The following MYH15 variants were observed in gnomAD, a reference collection of about 807,000 sequenced individuals.
MYH15 encodes myosin-15.
Under a neutral mutation model 240.5 loss-of-function variants are expected in MYH15, and 227 were observed. That is an observed-to-expected ratio of 0.94 (90% confidence interval 0.85 to 1.05). MYH15 has a LOEUF of 1.05. Ranked by LOEUF, MYH15 falls within the 50% of genes least tolerant of loss-of-function variation. The probability of loss-of-function intolerance (pLI) is 0.00; values close to 1 mark genes in which losing one functional copy is unlikely to be tolerated. For missense variants in MYH15, 2,217 were observed against 2,247.5 expected (o/e 0.99, Z 0.27); for synonymous variants, 785 against 796.7 (o/e 0.99, Z 0.25).
At chr3:108,526,970 C>A (rs553631481) in intron 1 of MYH15, among the ~76,000 whole-genome samples, 1 of 152,154 alleles carries the variant, frequency 6.6e-6, no homozygotes, top group Non-Finnish European at 1.5e-5. Flanking sequence ...TATGTTCTTA[C>A]ATTTCAATAT....
intron 9 of MYH15, among the ~76,000 whole-genome samples, chr3:108,491,694 T>A (rs933007894): frequency 3.9e-5 from 6 of 152,112 alleles, no homozygotes. Context: ...GACCTCCTAT[T>A]GCCGCACCCC....
At chr3:108,521,053 A>T (rs1183968316) in intron 1 of MYH15, among the ~76,000 whole-genome samples, 1 of 152,096 alleles carries the variant, frequency 6.6e-6, no homozygotes, top group East Asian at 1.9e-4. Flanking sequence ...GAGCTTCAAA[A>T]TATATTCTTG....
chr3:108,524,516 T>C (rs1160080991), intron 1 of MYH15, among the ~76,000 whole-genome samples: 1 of 152,086 alleles, frequency 6.6e-6, no homozygotes, highest in Admixed American at 6.6e-5. Context: ...TTGAATTCAC[T>C]TATGGTAACT....
intron 13 of MYH15, 124 bp from the exon 14 acceptor site, chr3:108,470,336 A>G: frequency 1.6e-6 from 1 of 629,452 alleles, no homozygotes; most frequent in South Asian, 2.7e-5. Flanking sequence ...CCAACAAGTA[A>G]CAAATGCTCA....
chr3:108,401,603 T>G (rs542913235), intron 33 of MYH15, among the ~76,000 whole-genome samples: 1 of 152,368 alleles, frequency 6.6e-6, no homozygotes, highest in East Asian at 1.9e-4. Flanking sequence ...CTCTCATTTT[T>G]GCCACAGCTG....
At chr3:108,419,415 C>A (rs942967896) in intron 28 of MYH15, among the ~76,000 whole-genome samples, 1 of 152,158 alleles carries the variant, frequency 6.6e-6, no homozygotes, top group African/African-American at 2.4e-5. Context: ...TTACTCGCTA[C>A]CCACTAATTT....
chr3:108,384,646 A>G (rs766073330), intron 39 of MYH15, 41 bp downstream of exon 39: 4 of 1,554,108 alleles, frequency 2.6e-6, no homozygotes, highest in African/African-American at 2.7e-5. Context: ...TCAAAACAAC[A>G]CTGGGAAATC....
At chr3:108,426,205 G>GAAA (rs34105033) in intron 27 of MYH15, among the ~76,000 whole-genome samples, 1 of 130,550 alleles carries the variant, frequency 7.7e-6, no homozygotes. Context: ...AGTATTTTCA[G>GAAA]AAAAAAAAAA....
the MYH15 span, among the ~76,000 whole-genome samples, chr3:108,540,101 A>T: frequency 6.6e-6 from 1 of 152,152 alleles, no homozygotes; most frequent in Non-Finnish European, 1.5e-5. Flanking sequence ...TTCATTTCAG[A>T]AATTTAAGAT....
intron 25 of MYH15, among the ~76,000 whole-genome samples, chr3:108,435,837 TAC>T (rs34885657): frequency 0.14 from 20,701 of 147,044 alleles, 1,546 homozygotes; most frequent in South Asian, 0.24. Flanking sequence ...TGTATATGTA[TAC>T]ACACACACAC....
the MYH15 span, chr3:108,550,501 C>G: frequency 4.6e-5 from 7 of 151,422 alleles, no homozygotes; most frequent in African/African-American, 1.4e-4. Context: ...TATGAGACAG[C>G]TATTGTGTTA....
intron 16 of MYH15, 105 bp downstream of exon 16, chr3:108,463,006 G>C: frequency 7.6e-7 from 1 of 1,321,030 alleles, no homozygotes; most frequent in Admixed American, 2.3e-5. Context: ...AGACCACAGG[G>C]AGCAGAAACA....
At position 108,414,442 on chromosome 3, in the gene MYH15, A is replaced by C; in HGVS notation, c.3949-14T>G. On this transcript the variant is annotated splice_polypyrimidine_tract_variant and intron_variant, in intron 29 of 40. Coordinates refer to ENST00000693548, the MANE Select transcript of MYH15 (RefSeq NM_014981.3). The stretch of plus-strand genomic sequence containing the variant: ...GGCACTCTGGGACTGTAGGGGACAC[A>C]CATTAACAAAAAGGTCATGACCACC... The C allele has an allele frequency of 2.5e-6, 4 of 1,601,494 alleles. No homozygotes were observed. Among genetic ancestry groups the C allele is most frequent in the Non-Finnish European group, 3.4e-6 (4 of 1,172,638 alleles).
intron 6 of MYH15, among the ~76,000 whole-genome samples, chr3:108,497,385 G>A (rs959834519): frequency 1.3e-5 from 2 of 152,010 alleles, no homozygotes; most frequent in Non-Finnish European, 2.9e-5. Context: ...AGGTCTAACA[G>A]CTCAATAACT....
At chr3:108,549,613 A>G in the MYH15 span, among the ~76,000 whole-genome samples, 2 of 152,064 alleles carry the variant, frequency 1.3e-5, no homozygotes, top group African/African-American at 4.8e-5. Flanking sequence ...CAGGATGGTT[A>G]TCAAAATTAA....
At chr3:108,454,963 G>C (rs1336298271) in intron 20 of MYH15, among the ~76,000 whole-genome samples, 1 of 152,090 alleles carries the variant, frequency 6.6e-6, no homozygotes, top group Non-Finnish European at 1.5e-5. Flanking sequence ...ACACAAGGAA[G>C]GAAGGCATCA....
At chr3:108,387,204 G>A (rs2082390145) in intron 38 of MYH15, among the ~76,000 whole-genome samples, 1 of 152,054 alleles carries the variant, frequency 6.6e-6, no homozygotes, top group South Asian at 2.1e-4. Context: ...CCTAGGAATG[G>A]GCTATCACCA....
intron 11 of MYH15, among the ~76,000 whole-genome samples, chr3:108,480,136 C>T (rs1158836929): frequency 6.6e-6 from 1 of 152,140 alleles, no homozygotes; most frequent in Non-Finnish European, 1.5e-5. Flanking sequence ...ACACACAAAT[C>T]GAGTATCACA....
chr3:108,545,789 A>G, the MYH15 span, among the ~76,000 whole-genome samples: 7 of 152,116 alleles, frequency 4.6e-5, no homozygotes, highest in East Asian at 1.4e-3. Flanking sequence ...TTTTCACTTA[A>G]CACACCAAAA....
Sources: gnomAD v4.1 joint callset for allele counts (sites outside exome capture counted in the v4.1 genomes callset) on GRCh38, gnomAD v4.1.1 for gene constraint, MANE v1.5 for transcripts, NCBI Gene and HGNC (gene_info 2026-07-23, HGNC 2026-07-21) for gene names.